The following S100A5 variants were observed in gnomAD, a reference collection of about 807,000 sequenced individuals.
S100A5 encodes S100 calcium binding protein A5.
Under a neutral mutation model 6.7 loss-of-function variants are expected in S100A5, and 5 were observed. The observed-to-expected ratio is 0.75, with a 90% CI of 0.39 to 1.57. The LOEUF (loss-of-function observed/expected upper bound fraction) is 1.57. Ranked by LOEUF, S100A5 falls within the 40% of genes most tolerant of loss-of-function variation. The pLI is 0.03. For synonymous variants in S100A5, 49 were observed against 44.9 expected, an observed-to-expected ratio of 1.09 and a Z score of -0.37; for missense variants, 129 against 110.8, an observed-to-expected ratio of 1.16 and a Z score of -0.74.
upstream of S100A5, chr1:153,543,664 C>T (rs916563725): frequency 1.6e-5 from 19 of 1,183,810 alleles, no homozygotes; most frequent in Middle Eastern, 2.8e-4. Flanking sequence ...GCATCAAGCA[C>T]GTGTCTGAAG....
upstream of S100A5, among the ~76,000 whole-genome samples, chr1:153,542,681 A>C (rs768425292): frequency 6.6e-6 from 1 of 152,196 alleles, no homozygotes; most frequent in African/African-American, 2.4e-5. Flanking sequence ...TCACCCAGAC[A>C]TGGCCTTGAA....
chr1:153,541,850 T>C (rs7530120), upstream of S100A5: 4,374 of 1,028,122 alleles, frequency 4.3e-3, 162 homozygotes, highest in African/African-American at 0.069. Flanking sequence ...ACTCCAGGAG[T>C]AGAGAAGACA....
chr1:153,541,897 C>T (rs752780726), upstream of S100A5: 95 of 1,004,442 alleles, frequency 9.5e-5, no homozygotes, highest in Non-Finnish European at 1.1e-4. Context: ...AAGATATTTT[C>T]TGCGAAGGAT....
chr1:153,543,273 A>G (rs1665446843), upstream of S100A5: 1 of 985,102 alleles, frequency 1.0e-6, no homozygotes, highest in African/African-American at 1.7e-5. Flanking sequence ...CCAGACCCCA[A>G]CCAGGAACAG....
upstream of S100A5, chr1:153,543,131 G>T: frequency 1.4e-6 from 1 of 707,858 alleles, no homozygotes; most frequent in Non-Finnish European, 1.7e-6. Context: ...GGCAGGACAG[G>T]GCCTGGACTG....
chr1:153,537,232 C>G lies in S100A5; in HGVS notation c.*64G>C. 1.3e-6 allele frequency: 2 copies of G among 1,576,548 alleles called. No homozygotes were observed. On this transcript the variant is annotated 3_prime_UTR_variant, in exon 3 of 3. Transcript: ENST00000368717. Reference sequence around the variant, plus strand: ...AGGAGGGCAGGGGGCCAAAGAGGGTCTGTGAGAGGAGCAGCCGAGGTCAGC... The same window carrying G: ...AGGAGGGCAGGGGGCCAAAGAGGGTGTGTGAGAGGAGCAGCCGAGGTCAGC...
upstream of S100A5, chr1:153,541,532 C>A: frequency 7.5e-7 from 1 of 1,324,968 alleles, no homozygotes; most frequent in Middle Eastern, 2.3e-4. Context: ...AGGATGCCCA[C>A]GTCAGAGCCT....
upstream of S100A5, chr1:153,543,344 T>C (rs730347): frequency 1.0e-6 from 1 of 965,060 alleles, no homozygotes. Context: ...TGGAGAGAGG[T>C]GGGAGGGGTA....
At position 153,537,410 on chromosome 1, in the gene S100A5, C is replaced by G; in HGVS notation, c.165G>C (p.Leu55Phe). Residue 55 changes from leucine (L) to phenylalanine (F), a missense_variant, in exon 3 of 3, where the codon TTG becomes TTC. Coordinates refer to ENST00000368717, the MANE Select transcript of S100A5 (RefSeq NM_001394232.1). ...CGCTGTTCTTGTCCAGGCTCTTCAT[C>G]AAGTCATCGATGCTGCTCTCCTTCA... The part of the protein sequence containing the change: ...GEMKESSIDD[L>F]MKSLDKNSDQ... The G allele has an allele frequency of 6.2e-7, 1 of 1,614,156 alleles. No individual in the cohort carries two copies. The highest frequency in any genetic ancestry group is 1.1e-5 in the South Asian group (1 of 91,074).
upstream of S100A5, chr1:153,541,457 C>A (rs1665385118): frequency 7.3e-7 from 1 of 1,367,704 alleles, no homozygotes; most frequent in South Asian, 1.1e-5. Context: ...GCCTTTATTT[C>A]CCTGATCTCT....
At chr1:153,542,403 T>A (rs113362244), upstream of S100A5, among the ~76,000 whole-genome samples, 3,903 of 152,200 alleles carry the variant, frequency 0.026, 186 homozygotes, top group African/African-American at 0.089. Flanking sequence ...GTGACCTGGG[T>A]GGAGGCCCCA....
At chr1:153,541,979 G>C, upstream of S100A5, 2 of 782,044 alleles carry the variant, frequency 2.6e-6, no homozygotes, top group Non-Finnish European at 3.1e-6. Context: ...TTTCTTCTAG[G>C]CCTCACTGCT....
At chr1:153,542,369 C>T (rs1373759916), upstream of S100A5, among the ~76,000 whole-genome samples, 1 of 152,210 alleles carries the variant, frequency 6.6e-6, no homozygotes, top group South Asian at 2.1e-4. Flanking sequence ...GGTTGCTATG[C>T]AGTAGGCATC....
At chr1:153,539,146 G>A (rs957682496) in intron 2 of S100A5, among the ~76,000 whole-genome samples, 1 of 151,308 alleles carries the variant, frequency 6.6e-6, no homozygotes, top group African/African-American at 2.4e-5. Context: ...ATTTATCCTT[G>A]GCCAGGCGCA....
intron 2 of S100A5, among the ~76,000 whole-genome samples, chr1:153,539,335 G>T (rs1436595605): frequency 2.0e-5 from 3 of 147,688 alleles, no homozygotes; most frequent in Non-Finnish European, 4.4e-5. Context: ...GCTGAGGCAG[G>T]AGAATCGCTT....
upstream of S100A5, chr1:153,543,100 G>A: frequency 2.2e-6 from 1 of 446,000 alleles, no homozygotes; most frequent in Non-Finnish European, 3.0e-6. Flanking sequence ...GTGGTTTGAA[G>A]CCAATGATCT....
chr1:153,543,612 A>ATC (rs1162006041), upstream of S100A5: 20 of 841,170 alleles, frequency 2.4e-5, no homozygotes, highest in South Asian at 3.0e-4. Flanking sequence ...CTCTCAAACC[A>ATC]TCAGCCTCAA....
chr1:153,537,269 G>A lies in S100A5; in HGVS notation c.*27C>T. The A allele has an allele frequency of 1.2e-6, 2 of 1,604,162 alleles. No homozygotes were observed. The highest frequency in any genetic ancestry group is 1.7e-6 in the Non-Finnish European group (2 of 1,172,062). On this transcript the variant is annotated 3_prime_UTR_variant, in exon 3 of 3. Coordinates refer to ENST00000368717, the MANE Select transcript of S100A5 (RefSeq NM_001394232.1). ...CAGCCGAGGTCAGCAGCAAAGGGTGGAGGGTGAGGGTGGAGGGCAGCCCTG... is the reference window on the plus strand; with the variant it reads ...CAGCCGAGGTCAGCAGCAAAGGGTGAAGGGTGAGGGTGGAGGGCAGCCCTG...
chr1:153,541,729 C>A (rs1441079728), upstream of S100A5: 2 of 1,142,124 alleles, frequency 1.8e-6, no homozygotes, highest in Non-Finnish European at 2.2e-6. Flanking sequence ...GAAGGGAAAC[C>A]AGGCTGTCCT....
Sources: allele counts gnomAD v4.1 joint callset (sites outside exome capture counted in the v4.1 genomes callset), GRCh38; gene constraint gnomAD v4.1.1; transcripts MANE v1.5; gene names NCBI Gene and HGNC (gene_info 2026-07-23, HGNC 2026-07-21).